ABTB2: variants seen among roughly 807,000 people sequenced by gnomAD.
The protein encoded by ABTB2 is ankyrin repeat and BTB domain containing 2, also known as ankyrin repeat and BTB/POZ domain-containing protein 2.
ABTB2 carries 56 observed loss-of-function variants against 104.1 expected under a neutral mutation model. The ratio of observed to expected loss-of-function variants is 0.54; its 90% CI spans 0.43 to 0.67. The LOEUF (loss-of-function observed/expected upper bound fraction) is 0.67. Among genes scored for constraint, ABTB2 ranks in the 30% least tolerant of loss-of-function variants. The pLI is 0.00. For synonymous variants in ABTB2, 606 were observed against 608.2 expected, an observed-to-expected ratio of 1.00 and a Z score of 0.05; for missense variants, 1,279 against 1,407.7, an observed-to-expected ratio of 0.91 and a Z score of 1.46.
In ABTB2 at chr11:34,155,650, TCTAGGAGAAGGCC is replaced by T. The variant is rs527308115; in HGVS notation, c.2698-894_2698-882del. Among the ~76,000 whole-genome samples the T allele has an allele frequency of 2.1e-3, 314 of 151,978 alleles. 2 individuals carry two copies. Among genetic ancestry groups the T allele is most frequent in the African/African-American group, 6.9e-3 (284 of 41,406 alleles). On this transcript the variant is annotated intron_variant, in intron 14 of 16. Transcript: ENST00000435224. ...CTGAGGCTGCAGAGGCACCAGAGGG[TCTAGGAGAAGGCC>T]CAACTGTGGGGAGAGAAGTGGGGAG...
In ABTB2 at chr11:34,356,795, A is replaced by G. The variant is rs147157814; in HGVS notation, c.789T>C (p.Ser263=). 6.2e-7 allele frequency: 1 copy of G among 1,609,876 alleles called. No homozygotes were observed. The highest frequency in any genetic ancestry group is 8.5e-7 in the Non-Finnish European group (1 of 1,178,250). The change falls in exon 1 of 17, where the codon TCT becomes TCC. Residue 263 remains serine, a synonymous_variant. Coordinates refer to ENST00000435224, the MANE Select transcript of ABTB2 (RefSeq NM_145804.3). The surrounding 1 kb of genome is among the most constrained non-coding windows in gnomAD (Gnocchi z 4.6). ...TGATGACCATCTCCAGGGCCTCAGCAGACACCTCCCCGCCTCCGGCCCCTC... is the reference window on the plus strand; with the variant it reads ...TGATGACCATCTCCAGGGCCTCAGCGGACACCTCCCCGCCTCCGGCCCCTC... The part of the protein sequence containing the change: ...DGGGAGGGEV[S]AEALEMVINN...
chr11:34,291,033 C>A (rs948281957), intron 1 of ABTB2, among the ~76,000 whole-genome samples: 3 of 152,202 alleles, frequency 2.0e-5, no homozygotes, highest in Non-Finnish European at 4.4e-5. Context: ...CCTTCATCTG[C>A]CAGTGGAAAC....
intron 1 of ABTB2, among the ~76,000 whole-genome samples, chr11:34,210,955 T>G (rs919693886): frequency 6.6e-6 from 1 of 152,160 alleles, no homozygotes; most frequent in African/African-American, 2.4e-5. Flanking sequence ...ATTTTTTTAT[T>G]TTTAAGTGTT....
chr11:34,199,906 G>A (rs2955943), intron 2 of ABTB2, among the ~76,000 whole-genome samples: 145,675 of 152,244 alleles, frequency 0.96, 70,031 homozygotes, highest in East Asian at 1. Flanking sequence ...TCTATCCTAC[G>A]GGCCGCCTCC....
At position 34,232,977 on chromosome 11, in the gene ABTB2, C is replaced by T. The variant is rs35457013; in HGVS notation, c.884-28287G>A. On this transcript the variant is annotated intron_variant, in intron 1 of 16. Transcript: ENST00000435224. The stretch of plus-strand genomic sequence containing the variant: ...TCTGTCTCAAAAAACCCCCTAACCT[C>T]CCCCCAAAACCCCAAATGCCCCGCA... Among the ~76,000 whole-genome samples the T allele has an allele frequency of 3.8e-3, 574 of 150,340 alleles. 4 individuals are homozygous for T. Among genetic ancestry groups the T allele is most frequent in the Middle Eastern group, 0.017 (5 of 294 alleles).
intron 1 of ABTB2, among the ~76,000 whole-genome samples, chr11:34,237,276 CTTTTTTTTTTT>C (rs561473313): frequency 8.6e-6 from 1 of 116,236 alleles, no homozygotes; most frequent in Admixed American, 8.7e-5. Context: ...CCTGGATATT[CTTTTTTTTTTT>C]TTTTTTTTTT....
rs1379731346 is a variant in ABTB2, at chr11:34,320,227, G to C, written c.883+36474C>G. 1.2e-4 allele frequency among the ~76,000 whole-genome samples: 19 copies of C among 152,170 alleles called. No individual in the cohort carries two copies. The East Asian group carries it at 3.5e-3, about 28-fold the overall frequency. ...TATGATTTATGTCTCCCCAAAATAT[G>C]TGCACAGATGACCCAAATAGAAATT... On this transcript the variant is annotated intron_variant, in intron 1 of 16. Coordinates refer to ENST00000435224, the MANE Select transcript of ABTB2 (RefSeq NM_145804.3).
intron 1 of ABTB2, among the ~76,000 whole-genome samples, chr11:34,308,607 C>G (rs891380935): frequency 1.3e-5 from 2 of 152,112 alleles, no homozygotes. Flanking sequence ...CAATGGCTCA[C>G]ACCTGTAATC....
intron 1 of ABTB2, among the ~76,000 whole-genome samples, chr11:34,216,435 G>A (rs1479901107): frequency 6.6e-6 from 1 of 152,114 alleles, no homozygotes; most frequent in African/African-American, 2.4e-5. Context: ...GGCCCTTTCT[G>A]ATTGGCTTCC....
chr11:34,161,165 C>T (rs1316544372), intron 10 of ABTB2, 84 bp from the exon 11 acceptor site: 8 of 1,358,394 alleles, frequency 5.9e-6, no homozygotes, highest in East Asian at 2.6e-5. Flanking sequence ...TGGGCAGACT[C>T]TCTCGGGATG....
At chr11:34,345,484 T>TACCCCA (rs1289690914) in intron 1 of ABTB2, among the ~76,000 whole-genome samples, 9 of 152,206 alleles carry the variant, frequency 5.9e-5, no homozygotes, top group African/African-American at 2.2e-4. Flanking sequence ...CAAACGGATG[T>TACCCCA]AACCCAAACA....
At chr11:34,200,256 G>A (rs1853319830) in intron 2 of ABTB2, among the ~76,000 whole-genome samples, 1 of 152,286 alleles carries the variant, frequency 6.6e-6, no homozygotes, top group East Asian at 1.9e-4. Flanking sequence ...GGCTCAACAA[G>A]GTAGAAGTCA....
At chr11:34,282,579 T>G (rs1395733620) in intron 1 of ABTB2, among the ~76,000 whole-genome samples, 2 of 152,020 alleles carry the variant, frequency 1.3e-5, no homozygotes, top group South Asian at 2.1e-4. Flanking sequence ...CAGGCTGGAG[T>G]GCAGTGGCGC....
intron 1 of ABTB2, among the ~76,000 whole-genome samples, chr11:34,351,863 A>G (rs1273953791): frequency 6.6e-6 from 1 of 152,086 alleles, no homozygotes; most frequent in East Asian, 1.9e-4. Context: ...TTTCAGTAGG[A>G]GGAAGTGGAA....
chr11:34,215,745 T>C (rs2746628), intron 1 of ABTB2, among the ~76,000 whole-genome samples: 88,637 of 152,012 alleles, frequency 0.58, 27,141 homozygotes, highest in East Asian at 0.73. Flanking sequence ...AAATAAGCAC[T>C]TAGCAAAAGG....
At position 34,357,409 on chromosome 11, in the gene ABTB2, C is replaced by G; in HGVS notation, c.175G>C (p.Gly59Arg). The change falls in exon 1 of 17, where the codon GGC becomes CGC. Residue 59 changes from glycine to arginine, a missense_variant. Physicochemically the swap from Gly to Arg is moderately radical, Grantham distance 125. Coordinates refer to ENST00000435224, the MANE Select transcript of ABTB2 (RefSeq NM_145804.3). ...HRGAAWWCYSGSMNSRHNSWD... is the reference protein window; with the variant it reads ...HRGAAWWCYSRSMNSRHNSWD... The stretch of plus-strand genomic sequence containing the variant: ...CTGTTGTGGCGGCTGTTCATGGAGC[C>G]GGAGTAGCACCACCAGGCCGCCCCG... 1 of 1,547,812 alleles carries G rather than the reference C, an allele frequency of 6.5e-7. No individual in the cohort carries two copies. The highest frequency in any genetic ancestry group is 2.4e-5 in the East Asian group (1 of 40,834).
chr11:34,269,478 C>G (rs1854288269), intron 1 of ABTB2, among the ~76,000 whole-genome samples: 1 of 152,196 alleles, frequency 6.6e-6, no homozygotes, highest in Non-Finnish European at 1.5e-5. Context: ...TAGGCCACAG[C>G]TTGGTAAGCT....
intron 1 of ABTB2, among the ~76,000 whole-genome samples, chr11:34,345,584 A>C (rs1235684084): frequency 6.6e-6 from 1 of 151,730 alleles, no homozygotes; most frequent in African/African-American, 2.4e-5. Flanking sequence ...GGTAGAAAAC[A>C]CTACTTAGAA....
chr11:34,241,655 G>A (rs1015844512), intron 1 of ABTB2, among the ~76,000 whole-genome samples: 4 of 152,228 alleles, frequency 2.6e-5, no homozygotes, highest in East Asian at 3.8e-4. Context: ...GCTTTGGGAA[G>A]CCAAGGCAGG....
Sources: allele counts gnomAD v4.1 joint callset (sites outside exome capture counted in the v4.1 genomes callset), GRCh38; gene constraint gnomAD v4.1.1; non-coding constraint Gnocchi (gnomAD v3.1); transcripts MANE v1.5; gene names NCBI Gene and HGNC (gene_info 2026-07-23, HGNC 2026-07-21).